The following ARHGAP10 variants were observed in gnomAD, a reference collection of about 807,000 sequenced individuals.
The protein encoded by ARHGAP10 is rho GTPase-activating protein 10.
In ARHGAP10, 87 loss-of-function variants were observed where a neutral mutation model predicts 108.6. The observed-to-expected ratio is 0.80, with a 90% CI of 0.67 to 0.96. The LOEUF is 0.96. Among genes scored for constraint, ARHGAP10 ranks in the 40% least tolerant of loss-of-function variants. ARHGAP10 has a pLI of 0.00. For synonymous variants in ARHGAP10, 347 were observed against 341.1 expected, an observed-to-expected ratio of 1.02 and a Z score of -0.19; for missense variants, 939 against 954.5, an observed-to-expected ratio of 0.98 and a Z score of 0.21.
intron 1 of ARHGAP10, among the ~76,000 whole-genome samples, chr4:147,736,970 A>G (rs976909963): frequency 6.6e-6 from 1 of 152,028 alleles, no homozygotes; most frequent in Non-Finnish European, 1.5e-5. Context: ...ACTGCTACCC[A>G]CTATCTTGGG....
chr4:148,004,029 C>A (rs1257073256), intron 18 of ARHGAP10, among the ~76,000 whole-genome samples: 3 of 115,010 alleles, frequency 2.6e-5, no homozygotes, highest in Admixed American at 8.0e-5. Flanking sequence ...TGAACTGGAA[C>A]ATCCTTTCTG....
At chr4:147,776,882 C>T (rs902024661) in intron 1 of ARHGAP10, among the ~76,000 whole-genome samples, 43 of 152,150 alleles carry the variant, frequency 2.8e-4, no homozygotes, top group African/African-American at 1.0e-3. Flanking sequence ...CGAGGACTTT[C>T]GTTAGGACGA....
intron 18 of ARHGAP10, among the ~76,000 whole-genome samples, chr4:148,003,432 C>T (rs375196004): frequency 1.3e-5 from 2 of 152,058 alleles, no homozygotes; most frequent in South Asian, 2.1e-4. Context: ...CTATTAGGTC[C>T]ACTTGGTGCG....
chr4:147,871,995 G>A (rs557170545), intron 7 of ARHGAP10, among the ~76,000 whole-genome samples: 6 of 151,936 alleles, frequency 3.9e-5, no homozygotes, highest in African/African-American at 1.5e-4. Context: ...CCCTGTACTC[G>A]GGAGGCTGAG....
Position 147,875,552 on chromosome 4 carries a change from T to C in ARHGAP10, c.832+402T>C, listed in dbSNP as rs138543499. ...CAATGCACACAGGCACACACATTCATTCATACACACGTATACGTCCTCTCC... is the reference window on the plus strand; with the variant it reads ...CAATGCACACAGGCACACACATTCACTCATACACACGTATACGTCCTCTCC... On this transcript the variant is annotated intron_variant, in intron 8 of 22. Transcript: ENST00000336498. 4.2e-4 allele frequency among the ~76,000 whole-genome samples: 64 copies of C among 152,300 alleles called. 1 individual carries two copies. The highest frequency in any genetic ancestry group is 6.3e-4 in the Non-Finnish European group (43 of 68,014).
intron 19 of ARHGAP10, among the ~76,000 whole-genome samples, chr4:148,024,443 G>A (rs377655971): frequency 4.7e-4 from 72 of 152,272 alleles, no homozygotes; most frequent in African/African-American, 1.6e-3. Context: ...GCACACACCA[G>A]GTGGTTAATA....
chr4:147,814,303 T>C (rs1191681620), intron 1 of ARHGAP10, among the ~76,000 whole-genome samples: 4 of 152,140 alleles, frequency 2.6e-5, no homozygotes, highest in Non-Finnish European at 5.9e-5. Context: ...TTTTTTTTTT[T>C]TCCAAGCTTT....
Position 147,864,907 on chromosome 4 carries a change from G to A in ARHGAP10, c.548G>A (p.Cys183Tyr), listed in dbSNP as rs1018614694. The A allele has an allele frequency of 1.9e-6, 3 of 1,614,030 alleles. No homozygotes were observed. The African/African-American group carries it at 4.0e-5, about 22-fold the overall frequency. Residue 183 changes from cysteine (C) to tyrosine (Y), a missense_variant, in exon 6 of 23, where the codon TGT becomes TAT. Cys to Tyr is a radical substitution (Grantham distance 194, BLOSUM62 -2). Transcript: ENST00000336498. Reference sequence around the variant, plus strand: ...TATGAACTGTCTCTCGAGTATGTGTGTAAGCTGCAGGAAATCCAAGAAAGA... The same window carrying A: ...TATGAACTGTCTCTCGAGTATGTGTATAAGCTGCAGGAAATCCAAGAAAGA... ...HFYELSLEYV[C>Y]KLQEIQERKK...
At chr4:147,855,801 T>C (rs1734063185) in intron 4 of ARHGAP10, among the ~76,000 whole-genome samples, 1 of 151,866 alleles carries the variant, frequency 6.6e-6, no homozygotes, top group Non-Finnish European at 1.5e-5. Context: ...GGGGAGTTAA[T>C]TGAGGGCTTT....
chr4:147,992,115 C>T (rs745471539), intron 18 of ARHGAP10, among the ~76,000 whole-genome samples: 1 of 152,212 alleles, frequency 6.6e-6, no homozygotes, highest in Non-Finnish European at 1.5e-5. Flanking sequence ...CCCTCAAAAG[C>T]GCTCCTTGTT....
intron 1 of ARHGAP10, among the ~76,000 whole-genome samples, chr4:147,811,790 T>C (rs1383680046): frequency 6.6e-6 from 1 of 152,146 alleles, no homozygotes; most frequent in Non-Finnish European, 1.5e-5. Context: ...TTAACAAGAG[T>C]GAGCTCCGAT....
At chr4:147,924,768 A>G (rs1737393824) in intron 13 of ARHGAP10, among the ~76,000 whole-genome samples, 1 of 152,172 alleles carries the variant, frequency 6.6e-6, no homozygotes, top group Non-Finnish European at 1.5e-5. Flanking sequence ...CTGTGTCTTT[A>G]TCATCTGTGA....
intron 19 of ARHGAP10, among the ~76,000 whole-genome samples, chr4:148,038,161 T>C (rs1360996244): frequency 1.3e-5 from 2 of 152,192 alleles, no homozygotes; most frequent in African/African-American, 4.8e-5. Flanking sequence ...GTAGAAATTA[T>C]GCTAGAATAT....
intron 1 of ARHGAP10, among the ~76,000 whole-genome samples, chr4:147,747,617 A>C (rs997644011): frequency 1.3e-5 from 2 of 152,084 alleles, no homozygotes; most frequent in Non-Finnish European, 2.9e-5. Flanking sequence ...AGTTCTTTGC[A>C]TGTGTTTCTA....
At chr4:147,942,769 C>T (rs182267045) in intron 14 of ARHGAP10, among the ~76,000 whole-genome samples, 3 of 152,330 alleles carry the variant, frequency 2.0e-5, no homozygotes, top group African/African-American at 7.2e-5. Context: ...TTCCTCCATC[C>T]GGTGATGAGA....
At chr4:147,988,761 G>A (rs564997504) in intron 18 of ARHGAP10, among the ~76,000 whole-genome samples, 48 of 152,256 alleles carry the variant, frequency 3.2e-4, no homozygotes, top group South Asian at 2.9e-3. Context: ...CCACACTTCC[G>A]TGTAGGAACT....
intron 13 of ARHGAP10, among the ~76,000 whole-genome samples, chr4:147,935,999 A>G (rs1737916517): frequency 6.6e-6 from 1 of 152,206 alleles, no homozygotes; most frequent in African/African-American, 2.4e-5. Context: ...CCGAAGTGAC[A>G]TTCTTATTTC....
chr4:147,743,112 C>A (rs1276086377), intron 1 of ARHGAP10, among the ~76,000 whole-genome samples: 6 of 151,448 alleles, frequency 4.0e-5, no homozygotes, highest in African/African-American at 1.5e-4. Context: ...CGGCTCACTG[C>A]AACCTCTGCC....
In ARHGAP10 at chr4:147,954,068, GTGT is replaced by G. The variant is rs1027682170; in HGVS notation, c.1392-1247_1392-1245del. Among the ~76,000 whole-genome samples, 126 of 152,070 alleles carry G rather than the reference GTGT, an allele frequency of 8.3e-4. 1 individual carries two copies. The highest frequency in any genetic ancestry group is 2.9e-3 in the African/African-American group (122 of 41,510). ...GTTGTAATCAAAAAACAAACTCTGT[GTGT>G]CTTAAACCCTTTTTATTTTTTGAGA... On this transcript the variant is annotated intron_variant, in intron 15 of 22. Transcript: ENST00000336498.
Sources: allele counts gnomAD v4.1 joint callset (sites outside exome capture counted in the v4.1 genomes callset), GRCh38; gene constraint gnomAD v4.1.1; transcripts MANE v1.5; gene names NCBI Gene and HGNC (gene_info 2026-07-23, HGNC 2026-07-21).